The following KIF13B variants were observed in gnomAD, a reference collection of about 807,000 sequenced individuals.
KIF13B encodes the protein kinesin family member 13B, also known as kinesin-like protein KIF13B.
Under a neutral mutation model 222.0 loss-of-function variants are expected in KIF13B, and 127 were observed. That is an observed-to-expected ratio of 0.57 (90% CI 0.50 to 0.66). The LOEUF (loss-of-function observed/expected upper bound fraction) is 0.66, where lower values mean the gene tolerates loss of function less well. Among genes scored for constraint, KIF13B ranks in the 30% least tolerant of loss-of-function variants. The pLI, the probability that KIF13B is intolerant of heterozygous loss-of-function variation, is 0.00. For synonymous variants in KIF13B, 976 were observed against 919.0 expected (o/e 1.06, Z -1.12); for missense variants, 2,173 against 2,379.0 (o/e 0.91, Z 1.80).
At chr8:29,261,108 T>C (rs1014269434) in intron 1 of KIF13B, among the ~76,000 whole-genome samples, 1 of 152,196 alleles carries the variant, frequency 6.6e-6, no homozygotes, top group African/African-American at 2.4e-5. Context: ...TCAGGAAATA[T>C]AAGGCTAAGA....
intron 15 of KIF13B, among the ~76,000 whole-genome samples, chr8:29,149,579 G>T (rs968253081): frequency 6.6e-6 from 1 of 152,186 alleles, no homozygotes; most frequent in Non-Finnish European, 1.5e-5. Context: ...TCTAGCAAAG[G>T]AGACAGAAGG....
Position 29,116,952 on chromosome 8 carries a change from C to T in KIF13B, c.3716G>A (p.Arg1239Lys), listed in dbSNP as rs773532755. The T allele has an allele frequency of 2.5e-6, 4 of 1,611,658 alleles. No homozygotes were observed. The South Asian group carries it at 4.4e-5, about 18-fold the overall frequency. Residue 1239 changes from arginine (R) to lysine (K), a missense_variant, in exon 31 of 40, where the codon AGG becomes AAG. Arg to Lys is a conservative substitution (Grantham distance 26). Coordinates refer to ENST00000524189, the MANE Select transcript of KIF13B (RefSeq NM_015254.4). ...CAACCGCTCGTCCACGGGCGTGCCC[C>T]TGCTGAGCTGAGGGCAGCCATGCAC... ...SAVHGCPQLS[R>K]GTPVDERLFL...
chr8:29,176,812 T>G (rs1395203586), intron 9 of KIF13B, among the ~76,000 whole-genome samples: 1 of 151,712 alleles, frequency 6.6e-6, no homozygotes, highest in Admixed American at 6.6e-5. Flanking sequence ...GGCTGTGCTC[T>G]TCAGCCCCAT....
intron 23 of KIF13B, among the ~76,000 whole-genome samples, chr8:29,131,157 T>C (rs1322665894): frequency 6.6e-6 from 1 of 152,034 alleles, no homozygotes; most frequent in African/African-American, 2.4e-5. Flanking sequence ...CAACAGACAC[T>C]GGAGACTCCC....
At chr8:29,239,714 G>A (rs1478408690) in intron 2 of KIF13B, among the ~76,000 whole-genome samples, 1 of 152,334 alleles carries the variant, frequency 6.6e-6, no homozygotes, top group East Asian at 1.9e-4. Context: ...CCAAGTTGGA[G>A]TGCGGTGGCA....
At chr8:29,114,504 G>T (rs1223521797) in intron 31 of KIF13B, among the ~76,000 whole-genome samples, 2 of 152,162 alleles carry the variant, frequency 1.3e-5, no homozygotes, top group Non-Finnish European at 2.9e-5. Flanking sequence ...CTGTCCTTAG[G>T]GGTGGTGAAG....
At chr8:29,193,564 A>G (rs1813283433) in intron 3 of KIF13B, among the ~76,000 whole-genome samples, 2 of 152,204 alleles carry the variant, frequency 1.3e-5, no homozygotes. Flanking sequence ...TGATTCTTGT[A>G]AGCTTAGTTC....
intron 12 of KIF13B, 57 bp downstream of exon 12, chr8:29,165,605 T>C: frequency 1.9e-6 from 2 of 1,057,876 alleles, no homozygotes; most frequent in Non-Finnish European, 2.9e-6. Flanking sequence ...ACACCATGTG[T>C]CCCATTGTGC....
At chr8:29,253,534 C>A (rs886400134) in intron 1 of KIF13B, among the ~76,000 whole-genome samples, 8 of 151,974 alleles carry the variant, frequency 5.3e-5, no homozygotes, top group Non-Finnish European at 1.2e-4. Context: ...TCAGCCTGGG[C>A]AACAGAATGA....
chr8:29,159,652 G>A (rs1011280887), intron 13 of KIF13B, among the ~76,000 whole-genome samples: 1 of 152,090 alleles, frequency 6.6e-6, no homozygotes, highest in East Asian at 1.9e-4. Flanking sequence ...TAGACTAGAG[G>A]GGGCAAAGGG....
chr8:29,174,050 ATAAT>A (rs1330692899), intron 10 of KIF13B, among the ~76,000 whole-genome samples: 1 of 152,202 alleles, frequency 6.6e-6, no homozygotes, highest in African/African-American at 2.4e-5. Flanking sequence ...ACATAGTAAT[ATAAT>A]TGATTACTAC....
intron 35 of KIF13B, among the ~76,000 whole-genome samples, chr8:29,101,514 G>A (rs906130105): frequency 2.0e-5 from 3 of 152,104 alleles, no homozygotes; most frequent in South Asian, 4.1e-4. Flanking sequence ...CCCAGGCCCC[G>A]ATGGCTTCAG....
intron 2 of KIF13B, among the ~76,000 whole-genome samples, chr8:29,206,325 T>A (rs919309844): frequency 6.6e-6 from 1 of 152,218 alleles, no homozygotes; most frequent in South Asian, 2.1e-4. Flanking sequence ...TGCTGACGCA[T>A]GCTTGATAAA....
intron 9 of KIF13B, 85 bp from the exon 10 acceptor site, chr8:29,176,264 G>T: frequency 1.2e-6 from 1 of 808,422 alleles, no homozygotes; most frequent in Non-Finnish European, 2.1e-6. Flanking sequence ...ACACTAAGAT[G>T]CCCTTGTACC....
chr8:29,081,288 C>T (rs1807799316), intron 37 of KIF13B, among the ~76,000 whole-genome samples: 1 of 152,190 alleles, frequency 6.6e-6, no homozygotes, highest in African/African-American at 2.4e-5. Flanking sequence ...CCCATTTCCC[C>T]AACAGGGCAG....
intron 2 of KIF13B, among the ~76,000 whole-genome samples, chr8:29,222,732 T>C (rs1052214769): frequency 2.6e-5 from 4 of 152,112 alleles, no homozygotes; most frequent in East Asian, 1.9e-4. Context: ...CTTGGGTACA[T>C]GCCAAAGACT....
chr8:29,184,482 T>A (rs1332572297), intron 6 of KIF13B, among the ~76,000 whole-genome samples: 1 of 152,202 alleles, frequency 6.6e-6, no homozygotes, highest in East Asian at 1.9e-4. Flanking sequence ...ATCATTTCCC[T>A]CTTCAAGTTC....
intron 2 of KIF13B, among the ~76,000 whole-genome samples, chr8:29,216,827 C>T (rs1340391248): frequency 6.6e-6 from 1 of 152,058 alleles, no homozygotes; most frequent in Non-Finnish European, 1.5e-5. Context: ...CTAGGGAAAC[C>T]TATGTGACTA....
intron 1 of KIF13B, among the ~76,000 whole-genome samples, chr8:29,256,707 T>C (rs1816489971): frequency 6.6e-6 from 1 of 152,178 alleles, no homozygotes; most frequent in Admixed American, 6.5e-5. Flanking sequence ...TTAATTAACC[T>C]CTCTGAGGTT....
Sources: gnomAD v4.1 joint callset for allele counts (sites outside exome capture counted in the v4.1 genomes callset) on GRCh38, gnomAD v4.1.1 for gene constraint, MANE v1.5 for transcripts, NCBI Gene and HGNC (gene_info 2026-07-23, HGNC 2026-07-21) for gene names.